Variants in ZNF512 observed in about 807,000 individuals in gnomAD.
ZNF512 encodes the protein zinc finger protein 512.
A neutral mutation model predicts 77.5 loss-of-function variants in ZNF512; 25 were observed. That is an observed-to-expected ratio of 0.32 (90% CI 0.23 to 0.45). The LOEUF is 0.45. Among genes scored for constraint, ZNF512 ranks in the 20% least tolerant of loss-of-function variants. The pLI, the probability that ZNF512 is intolerant of heterozygous loss-of-function variation, is 1.00. For missense variants in ZNF512, 483 were observed against 692.6 expected (o/e 0.70, Z 3.40); for synonymous variants, 246 against 239.9 (o/e 1.03, Z -0.24).
intron 12 of ZNF512, chr2:27,616,962 G>C (rs1672907808): frequency 6.3e-6 from 1 of 157,706 alleles, no homozygotes; most frequent in African/African-American, 2.4e-5. Context: ...ATCTAAACCA[G>C]ATCTGTCTAG....
chr2:27,613,889 CAT>C (rs1322578128), intron 10 of ZNF512, among the ~76,000 whole-genome samples: 11 of 151,696 alleles, frequency 7.3e-5, no homozygotes, highest in African/African-American at 2.2e-4. Context: ...TTATTACTAT[CAT>C]ATTTATGATA....
chr2:27,591,628 C>G (rs1671582860), intron 2 of ZNF512, among the ~76,000 whole-genome samples: 1 of 152,224 alleles, frequency 6.6e-6, no homozygotes, highest in Admixed American at 6.5e-5. Flanking sequence ...CCAGGATGGT[C>G]TTGATCTCTT....
chr2:27,597,363 A>G lies in ZNF512; in HGVS notation c.90-704A>G, dbSNP rs116459849. Among the ~76,000 whole-genome samples the G allele has an allele frequency of 7.2e-3, 1,101 of 152,308 alleles. 11 individuals carry two copies. The highest frequency in any genetic ancestry group is 0.025 in the African/African-American group (1,036 of 41,566). ...AAAGGGAGGTTCTAGGAGTCCATTG[A>G]CCACTCTTGGAGAACTGCTGCTCTG... On this transcript the variant is annotated intron_variant, in intron 2 of 13. Coordinates refer to ENST00000355467, the MANE Select transcript of ZNF512 (RefSeq NM_032434.4).
intron 3 of ZNF512, 83 bp downstream of exon 3, chr2:27,598,337 T>G: frequency 4.2e-6 from 6 of 1,426,314 alleles, no homozygotes; most frequent in African/African-American, 1.4e-5. Flanking sequence ...CTCTTAAAAG[T>G]ATTAAATGGC....
Position 27,610,581 on chromosome 2 carries a change from T to TATATACA in ZNF512, c.1131+2542_1131+2543insATATACA, listed in dbSNP as rs1558474954. Among the ~76,000 whole-genome samples the TATATACA allele has an allele frequency of 2.7e-4, 14 of 51,466 alleles. 1 individual carries two copies. Among genetic ancestry groups the TATATACA allele is most frequent in the African/African-American group, 1.0e-3 (11 of 10,486 alleles). The allele number at this position is 51,466 out of a possible 152,430, so 33.8% of individuals were successfully genotyped here. ...ATATATATATATATTTTTTTTTTTT[T>TATATACA]TTTTTTTTTTTTTTTTTTTGAGACA... is the stretch of plus-strand genomic sequence containing the variant. On this transcript the variant is annotated intron_variant, in intron 10 of 13. Coordinates refer to ENST00000355467, the MANE Select transcript of ZNF512 (RefSeq NM_032434.4).
At chr2:27,617,608 G>A in intron 13 of ZNF512, 37 bp downstream of exon 13, 1 of 812,494 alleles carries the variant, frequency 1.2e-6, no homozygotes, top group African/African-American at 1.7e-5. Context: ...TGATATGTAA[G>A]CCACAAGAGA....
chr2:27,583,102 G>A lies in ZNF512; in HGVS notation c.-11G>A, dbSNP rs199864351. On this transcript the variant is annotated 5_prime_UTR_variant, in exon 1 of 14. Coordinates refer to ENST00000355467, the MANE Select transcript of ZNF512 (RefSeq NM_032434.4). ...CCCTTGGGTGAAATTGTTAGGCGTG[G>A]AGAGGGAGTGATGTCTTCCAGACTC... The A allele has an allele frequency of 6.2e-4, 998 of 1,614,138 alleles. 2 individuals are homozygous for A. Among genetic ancestry groups the A allele is most frequent in the Non-Finnish European group, 7.7e-4 (913 of 1,180,024 alleles).
intron 10 of ZNF512, among the ~76,000 whole-genome samples, chr2:27,610,571 T>A (rs1460047684): frequency 0.036 from 1,395 of 38,730 alleles, 70 homozygotes; most frequent in African/African-American, 0.056. Flanking sequence ...TATATATATT[T>A]TTTTTTTTTT....
At chr2:27,612,773 A>G (rs1406635863) in intron 10 of ZNF512, among the ~76,000 whole-genome samples, 1 of 152,202 alleles carries the variant, frequency 6.6e-6, no homozygotes, top group African/African-American at 2.4e-5. Flanking sequence ...TGAGCCTTAC[A>G]GTATGTAGTG....
At chr2:27,620,709 C>T (rs556846043) in intron 13 of ZNF512, among the ~76,000 whole-genome samples, 4 of 152,080 alleles carry the variant, frequency 2.6e-5, no homozygotes, top group Non-Finnish European at 5.9e-5. Flanking sequence ...TTAAAGTGAG[C>T]CTCGAAAATG....
At chr2:27,618,036 A>G (rs763979182) in intron 13 of ZNF512, among the ~76,000 whole-genome samples, 1 of 151,562 alleles carries the variant, frequency 6.6e-6, no homozygotes, top group Non-Finnish European at 1.5e-5. Flanking sequence ...GGTTCAAGCA[A>G]TACTCCCTGA....
intron 9 of ZNF512, among the ~76,000 whole-genome samples, chr2:27,603,847 C>T (rs1672241535): frequency 6.6e-6 from 1 of 151,828 alleles, no homozygotes; most frequent in African/African-American, 2.4e-5. Context: ...ATCCTCTTAC[C>T]TTGACCTCCC....
At chr2:27,605,595 C>T (rs554330478) in intron 9 of ZNF512, among the ~76,000 whole-genome samples, 1 of 152,022 alleles carries the variant, frequency 6.6e-6, no homozygotes, top group African/African-American at 2.4e-5. Flanking sequence ...CCCACCTCAG[C>T]CTCCCAAGTA....
chr2:27,614,097 C>T (rs973821619), intron 10 of ZNF512, among the ~76,000 whole-genome samples: 7 of 152,142 alleles, frequency 4.6e-5, no homozygotes, highest in Non-Finnish European at 7.4e-5. Context: ...AGAGGTTCTT[C>T]GGGCTACCTT....
At chr2:27,608,400 C>T (rs1049811648) in intron 10 of ZNF512, among the ~76,000 whole-genome samples, 1 of 152,140 alleles carries the variant, frequency 6.6e-6, no homozygotes, top group Non-Finnish European at 1.5e-5. Context: ...GAACTCCTCT[C>T]CCCCGCTTTT....
chr2:27,616,215 A>C, intron 11 of ZNF512, 47 bp from the exon 12 acceptor site: 1 of 1,428,822 alleles, frequency 7.0e-7, no homozygotes, highest in Non-Finnish European at 9.8e-7. Flanking sequence ...TGTTCAGAGA[A>C]GGGAGCTATT....
chr2:27,595,141 G>A (rs1558467003), intron 2 of ZNF512, among the ~76,000 whole-genome samples: 1 of 152,118 alleles, frequency 6.6e-6, no homozygotes. Flanking sequence ...AGAGGGAGGA[G>A]AGCGGGGAGA....
At chr2:27,589,253 G>A (rs1478783280) in intron 2 of ZNF512, among the ~76,000 whole-genome samples, 1 of 152,126 alleles carries the variant, frequency 6.6e-6, no homozygotes, top group African/African-American at 2.4e-5. Flanking sequence ...AGTTTTCACT[G>A]TGGGAAGGAT....
intron 8 of ZNF512, 93 bp from the exon 9 acceptor site, chr2:27,603,047 T>A: frequency 7.0e-7 from 1 of 1,426,008 alleles, no homozygotes; most frequent in East Asian, 2.3e-5. Flanking sequence ...CTATTTGTAT[T>A]TTGTGGTGGT....
Sources: allele counts gnomAD v4.1 joint callset (sites outside exome capture counted in the v4.1 genomes callset), GRCh38; gene constraint gnomAD v4.1.1; transcripts MANE v1.5; gene names NCBI Gene and HGNC (gene_info 2026-07-23, HGNC 2026-07-21).